ADAM10: variants seen among roughly 807,000 people sequenced by gnomAD.
The protein encoded by ADAM10 is ADAM metallopeptidase domain 10.
In ADAM10, 17 loss-of-function variants were observed where a neutral mutation model predicts 90.1. The ratio of observed to expected loss-of-function variants is 0.19; its 90% CI spans 0.13 to 0.28. The LOEUF is 0.28. Ranked by LOEUF, ADAM10 falls within the 10% of genes least tolerant of loss-of-function variation. The pLI, the probability that ADAM10 is intolerant of heterozygous loss-of-function variation, is 1.00. For synonymous variants in ADAM10, 310 were observed against 298.6 expected (o/e 1.04, Z -0.40); for missense variants, 610 against 914.3 (o/e 0.67, Z 4.29).
chr15:58,664,686 A>T (rs571254950), intron 5 of ADAM10, among the ~76,000 whole-genome samples: 1 of 152,214 alleles, frequency 6.6e-6, no homozygotes, highest in African/African-American at 2.4e-5. Context: ...AAAATACGAA[A>T]AGTCCTGAGA....
At chr15:58,677,688 T>A (rs1247563028) in intron 4 of ADAM10, among the ~76,000 whole-genome samples, 1 of 152,158 alleles carries the variant, frequency 6.6e-6, no homozygotes, top group Non-Finnish European at 1.5e-5. Flanking sequence ...TACAATATGA[T>A]AGAAAGGAAA....
At chr15:58,733,916 T>C (rs1808321514) in intron 1 of ADAM10, among the ~76,000 whole-genome samples, 1 of 150,142 alleles carries the variant, frequency 6.7e-6, no homozygotes, top group African/African-American at 2.4e-5. Context: ...TATATATATA[T>C]ATATAAAAAT....
chr15:58,699,450 G>A (rs1324971264), intron 2 of ADAM10, among the ~76,000 whole-genome samples: 1 of 152,110 alleles, frequency 6.6e-6, no homozygotes, highest in Non-Finnish European at 1.5e-5. Flanking sequence ...AACAATAAGA[G>A]AAAAAGAAAG....
Position 58,589,304 on chromosome 15 carries a change from C to A in ADAM10, c.*8243G>T, listed in dbSNP as rs899646424. ...CAAAGAACATGACGACAGTCAACTG[C>A]CCCATGGTTACATCATTTCTAAAAG... On this transcript the variant is annotated 3_prime_UTR_variant, in exon 16 of 16. Transcript: ENST00000260408. 6.6e-6 allele frequency: 1 copy of A among 152,200 alleles called. No homozygotes were observed. The highest frequency in any genetic ancestry group is 2.4e-5 in the African/African-American group (1 of 41,448). The allele number at this position is 152,200 out of a possible 1,614,324, so 9.4% of individuals were successfully genotyped here.
Position 58,594,483 on chromosome 15 carries a change from T to C in ADAM10, c.*3064A>G, listed in dbSNP as rs1390210025. The C allele has an allele frequency of 1.3e-5, 2 of 152,182 alleles. No individual in the cohort carries two copies. Among genetic ancestry groups the C allele is most frequent in the Non-Finnish European group, 2.9e-5 (2 of 68,022 alleles). 9.4% of individuals were successfully genotyped at this position (152,182 alleles called of 1,614,324 possible). On this transcript the variant is annotated 3_prime_UTR_variant, in exon 16 of 16. Transcript: ENST00000260408. ...TCCTAAGACTGTGACAAACACGAAGTACCCAAAGCATAAAGTGTTGAAGAC... is the reference window on the plus strand; with the variant it reads ...TCCTAAGACTGTGACAAACACGAAGCACCCAAAGCATAAAGTGTTGAAGAC...
chr15:58,635,742 C>T (rs1262234206), intron 8 of ADAM10, among the ~76,000 whole-genome samples: 1 of 151,078 alleles, frequency 6.6e-6, no homozygotes, highest in Non-Finnish European at 1.5e-5. Flanking sequence ...GCAGTACTGT[C>T]AAACTTGAAT....
intron 2 of ADAM10, among the ~76,000 whole-genome samples, chr15:58,704,522 A>T (rs1247907725): frequency 6.6e-6 from 1 of 152,220 alleles, no homozygotes; most frequent in African/African-American, 2.4e-5. Flanking sequence ...TACCACTTAA[A>T]AATGGTTAAA....
At chr15:58,623,482 T>C (rs1040081338) in intron 10 of ADAM10, among the ~76,000 whole-genome samples, 5 of 152,220 alleles carry the variant, frequency 3.3e-5, no homozygotes, top group African/African-American at 1.2e-4. Flanking sequence ...GCTTCATCCC[T>C]GTTTCACTTT....
chr15:58,647,661 G>A (rs1375045356), intron 5 of ADAM10, among the ~76,000 whole-genome samples: 3 of 151,978 alleles, frequency 2.0e-5, no homozygotes, highest in Non-Finnish European at 2.9e-5. Flanking sequence ...CAATCCTCCC[G>A]CCTAAGCTTC....
At chr15:58,722,019 A>C (rs1898871089) in intron 1 of ADAM10, among the ~76,000 whole-genome samples, 1 of 151,498 alleles carries the variant, frequency 6.6e-6, no homozygotes, top group Non-Finnish European at 1.5e-5. Context: ...CAAGAGCAAA[A>C]CTCTGTCTGA....
intron 14 of ADAM10, among the ~76,000 whole-genome samples, chr15:58,605,960 A>G (rs1895260939): frequency 6.6e-6 from 1 of 152,240 alleles, no homozygotes; most frequent in South Asian, 2.1e-4. Flanking sequence ...TATCATCTAA[A>G]AAAAAGTGCA....
intron 2 of ADAM10, among the ~76,000 whole-genome samples, chr15:58,686,084 G>C (rs1296600541): frequency 2.0e-5 from 3 of 152,276 alleles, no homozygotes; most frequent in African/African-American, 2.4e-5. Flanking sequence ...CAATGAGAAA[G>C]AACTCCAGAA....
Position 58,749,520 on chromosome 15 carries a change from T to C in ADAM10, c.15A>G (p.Arg5=). The change falls in exon 1 of 16, where the codon AGA becomes AGG. Residue 5 remains arginine (R), a synonymous_variant. Transcript: ENST00000260408. MVLL[R]VLILLLSWAA... ...CCCAGGAGAGGAGCAGAATTAACAC[T>C]CTCAGCAACACCATCTTCCGCTGCC... The C allele has an allele frequency of 6.4e-7, 1 of 1,553,656 alleles. No individual in the cohort carries two copies. Among genetic ancestry groups the C allele is most frequent in the African/African-American group, 1.4e-5 (1 of 73,064 alleles).
intron 5 of ADAM10, among the ~76,000 whole-genome samples, chr15:58,663,345 T>C (rs1284281994): frequency 1.3e-5 from 2 of 152,226 alleles, no homozygotes; most frequent in Non-Finnish European, 2.9e-5. Context: ...TAATTTGAGA[T>C]TGCATCTCTA....
chr15:58,601,190 C>T (rs996723043), intron 14 of ADAM10, among the ~76,000 whole-genome samples: 36 of 152,072 alleles, frequency 2.4e-4, no homozygotes, highest in African/African-American at 7.7e-4. Context: ...AGGCCGGGCA[C>T]GGTGGCTCCC....
intron 7 of ADAM10, among the ~76,000 whole-genome samples, chr15:58,643,334 C>A (rs1338928009): frequency 6.6e-6 from 1 of 151,890 alleles, no homozygotes; most frequent in African/African-American, 2.4e-5. Context: ...GTTTCATGGT[C>A]AAAAATTTAG....
At chr15:58,633,031 T>C (rs1404552310) in intron 9 of ADAM10, among the ~76,000 whole-genome samples, 165 bp downstream of exon 9, 1 of 152,180 alleles carries the variant, frequency 6.6e-6, no homozygotes, top group African/African-American at 2.4e-5. Context: ...CCACAAACAT[T>C]CTATCTTCCT....
chr15:58,700,471 C>T (rs1293891476), intron 2 of ADAM10, among the ~76,000 whole-genome samples: 1 of 151,978 alleles, frequency 6.6e-6, no homozygotes, highest in East Asian at 1.9e-4. Context: ...AAACATCCTC[C>T]TGAAAGACAA....
rs1447486794 is a variant in ADAM10 at position 58,589,972 on chromosome 15, A to C, written c.*7575T>G. ...AATGCAAAGCAAAAAATGAAAAAAC[A>C]TTTAAAAAAATAAAGGAATCTGAAT... On this transcript the variant is annotated 3_prime_UTR_variant, in exon 16 of 16. Transcript: ENST00000260408. 6.6e-6 allele frequency: 1 copy of C among 152,214 alleles called. No homozygotes were observed. The highest frequency in any genetic ancestry group is 2.4e-5 in the African/African-American group (1 of 41,428). The allele number at this position is 152,214 out of a possible 1,614,324, so 9.4% of individuals were successfully genotyped here. A position where few individuals can be genotyped will look rare whatever the true frequency, so the allele number is the denominator to read the frequency against.
Sources: allele counts gnomAD v4.1 joint callset (sites outside exome capture counted in the v4.1 genomes callset), GRCh38; gene constraint gnomAD v4.1.1; transcripts MANE v1.5; gene names NCBI Gene and HGNC (gene_info 2026-07-23, HGNC 2026-07-21).